SND1: variants seen among roughly 807,000 people sequenced by gnomAD.
SND1 encodes staphylococcal nuclease domain-containing protein 1.
SND1 carries 38 observed loss-of-function variants against 121.7 expected under a neutral mutation model. The ratio of observed to expected loss-of-function variants is 0.31; its 90% CI spans 0.24 to 0.41. SND1 has a LOEUF of 0.41. Ranked by LOEUF, SND1 falls within the 10% of genes least tolerant of loss-of-function variation. The pLI, the probability that SND1 is intolerant of heterozygous loss-of-function variation, is 1.00. For synonymous variants in SND1, 401 were observed against 447.4 expected, an observed-to-expected ratio of 0.90 and a Z score of 1.31; for missense variants, 868 against 1,184.6, an observed-to-expected ratio of 0.73 and a Z score of 3.92.
At position 127,707,603 on chromosome 7, in the gene SND1, C is replaced by G; in HGVS notation, c.994C>G (p.Pro332Ala). The change falls in exon 9 of 24, where the codon CCC (proline) becomes GCC (alanine). Residue 332 changes from proline to alanine, a missense_variant. By Grantham distance (27) the Pro-to-Ala change is conservative. Around this residue, in one of 2 missense-constraint regions of SND1, gnomAD observed 743 missense variants for 1,071.3 expected, o/e 0.69. Coordinates refer to ENST00000354725, the MANE Select transcript of SND1 (RefSeq NM_014390.4). ...RLRIWRDYVAPTANLDQKDKQ... is the reference protein window; with the variant it reads ...RLRIWRDYVAATANLDQKDKQ... Reference sequence around the variant, plus strand: ...GAGAATATGGAGAGACTATGTGGCTCCCACAGCTAATTTGGACCAAAAGGA... The same window carrying G: ...GAGAATATGGAGAGACTATGTGGCTGCCACAGCTAATTTGGACCAAAAGGA... 1 of 1,614,068 alleles carries G rather than the reference C, an allele frequency of 6.2e-7. No individual in the cohort carries two copies. Among genetic ancestry groups the G allele is most frequent in the African/African-American group, 1.3e-5 (1 of 75,022 alleles).
chr7:127,837,517 C>G (rs1193105360), intron 11 of SND1, among the ~76,000 whole-genome samples: 1 of 152,152 alleles, frequency 6.6e-6, no homozygotes, highest in African/African-American at 2.4e-5. Context: ...TTACACAGTA[C>G]TTGCCTAGAA....
chr7:127,732,932 A>G (rs1202322951), intron 10 of SND1, among the ~76,000 whole-genome samples: 1 of 152,178 alleles, frequency 6.6e-6, no homozygotes, highest in Non-Finnish European at 1.5e-5. Flanking sequence ...GTGTTTGTAA[A>G]TAGTGGCGGG....
Position 127,835,620 on chromosome 7 carries a change from G to T in SND1, c.1243-8704G>T, listed in dbSNP as rs77853531. On this transcript the variant is annotated intron_variant, in intron 11 of 23. Coordinates refer to ENST00000354725, the MANE Select transcript of SND1 (RefSeq NM_014390.4). ...GGTTGTATTAAAAGTAGGTATTGGT[G>T]TGAGTTATGCCTGTGATAAAATAAT... Among the ~76,000 whole-genome samples the T allele has an allele frequency of 4.2e-3, 615 of 147,798 alleles. 11 individuals are homozygous for T. Among genetic ancestry groups the T allele is most frequent in the African/African-American group, 0.016 (590 of 37,298 alleles).
chr7:127,905,434 A>G (rs1800315298), intron 14 of SND1, among the ~76,000 whole-genome samples: 1 of 152,118 alleles, frequency 6.6e-6, no homozygotes, highest in South Asian at 2.1e-4. Flanking sequence ...GGCTGCATAG[A>G]TCCGTTTGAT....
chr7:128,090,886 A>G (rs753849641), intron 22 of SND1, among the ~76,000 whole-genome samples: 15 of 152,192 alleles, frequency 9.9e-5, no homozygotes, highest in Non-Finnish European at 1.6e-4. Flanking sequence ...CAGCCTCCCT[A>G]TAGAATTGGA....
chr7:128,042,754 A>AT, intron 16 of SND1, among the ~76,000 whole-genome samples: 1 of 152,186 alleles, frequency 6.6e-6, no homozygotes, highest in East Asian at 1.9e-4. Context: ...TCTTTACCAA[A>AT]TTGAGACCAA....
chr7:127,726,902 CTCTG>C (rs1056180763), intron 10 of SND1, among the ~76,000 whole-genome samples: 1 of 152,252 alleles, frequency 6.6e-6, no homozygotes, highest in African/African-American at 2.4e-5. Context: ...CTCTCCCATT[CTCTG>C]TCTTTGTATC....
In SND1 at chr7:128,084,812, A is replaced by G. The variant is rs751152457; in HGVS notation, c.2199A>G (p.Gly733=). The part of the protein sequence containing the change: ...PVEGSYAPRR[G]EFCIAKFVDG... ...AGGGCTCCTATGCCCCCCGCAGGGG[A>G]GAGTTCTGCATTGCCAAATTTGTAG... The change falls in exon 19 of 24, where the codon GGA becomes GGG. Residue 733 remains glycine, a synonymous_variant. Transcript: ENST00000354725. The G allele has an allele frequency of 2.6e-5, 42 of 1,606,366 alleles. 1 individual carries two copies. The South Asian group carries it at 4.5e-4, about 17-fold the overall frequency.
chr7:127,707,558 T>G lies in SND1; in HGVS notation c.949T>G (p.Phe317Val), dbSNP rs1796222463. ...GAEKLRAAER[F>V]AKERRLRIWR... is the part of the protein sequence containing the mutation. ...CTTGCATCCTTGCTTTGTTGCCAGG[T>G]TTGCCAAAGAGCGCAGGCTGAGAAT... The change falls in exon 9 of 24, where the codon TTT becomes GTT. Residue 317 changes from phenylalanine to valine, a missense_variant and splice_region_variant. Transcript: ENST00000354725. The G allele has an allele frequency of 1.2e-6, 2 of 1,613,870 alleles. No individual in the cohort carries two copies. The highest frequency in any genetic ancestry group is 1.7e-5 in the Admixed American group (1 of 59,998).
At chr7:127,743,541 T>C (rs957571772) in intron 10 of SND1, among the ~76,000 whole-genome samples, 12 of 152,214 alleles carry the variant, frequency 7.9e-5, no homozygotes, top group Admixed American at 2.6e-4. Flanking sequence ...CCCTCCTCTG[T>C]CCTCATTGTC....
At position 128,078,467 on chromosome 7, in the gene SND1, C is replaced by A. The variant is rs1109574; in HGVS notation, c.1969-2893C>A. Among the ~76,000 whole-genome samples the A allele has an allele frequency of 5.7e-3, 867 of 152,364 alleles. 9 individuals are homozygous for A. The highest frequency in any genetic ancestry group is 0.02 in the African/African-American group (827 of 41,580). ...AGACACCTTGCTTCTGCTGTCTTCT[C>A]AATTCAGGTGGCAGTGTGCACCACC... On this transcript the variant is annotated intron_variant, in intron 17 of 23. Coordinates refer to ENST00000354725, the MANE Select transcript of SND1 (RefSeq NM_014390.4).
chr7:127,687,029 G>T, intron 2 of SND1: 2 of 336,588 alleles, frequency 5.9e-6, no homozygotes, highest in Non-Finnish European at 1.1e-5. Context: ...TACTTTTCTT[G>T]GAATAGTTTA....
chr7:128,001,370 C>G (rs1463388370), intron 16 of SND1, among the ~76,000 whole-genome samples: 1 of 152,224 alleles, frequency 6.6e-6, no homozygotes, highest in African/African-American at 2.4e-5. Context: ...ATTCCACTTT[C>G]ACCATTTGCT....
intron 7 of SND1, among the ~76,000 whole-genome samples, chr7:127,703,801 A>G (rs1796145195): frequency 6.6e-6 from 1 of 152,210 alleles, no homozygotes; most frequent in South Asian, 2.1e-4. Context: ...AGAATTGGAC[A>G]ATTTTCTCAC....
At chr7:127,710,720 T>C (rs981018119) in intron 9 of SND1, among the ~76,000 whole-genome samples, 2 of 152,156 alleles carry the variant, frequency 1.3e-5, no homozygotes, top group African/African-American at 4.8e-5. Context: ...GAATAAAACA[T>C]TTACATGGCT....
chr7:127,677,741 CTT>C (rs1795640684), intron 1 of SND1, among the ~76,000 whole-genome samples: 1 of 152,228 alleles, frequency 6.6e-6, no homozygotes, highest in African/African-American at 2.4e-5. Flanking sequence ...CTTTCATACT[CTT>C]TTGCATGTTA....
chr7:127,797,224 C>A (rs1050301177), intron 10 of SND1, among the ~76,000 whole-genome samples: 7 of 152,136 alleles, frequency 4.6e-5, no homozygotes, highest in African/African-American at 1.7e-4. Context: ...GAAACCGAGG[C>A]AAGCCACCAA....
At chr7:127,668,107 CA>C (rs1346182309) in intron 1 of SND1, among the ~76,000 whole-genome samples, 2 of 152,154 alleles carry the variant, frequency 1.3e-5, no homozygotes, top group Non-Finnish European at 2.9e-5. Context: ...GACTATAGAA[CA>C]GTAGTCACCT....
At chr7:127,699,592 C>T (rs1211007576) in intron 4 of SND1, among the ~76,000 whole-genome samples, 1 of 152,094 alleles carries the variant, frequency 6.6e-6, no homozygotes, top group African/African-American at 2.4e-5. Context: ...ATTTGTTTAG[C>T]CAATGGCAAT....
Sources: allele counts gnomAD v4.1 joint callset (sites outside exome capture counted in the v4.1 genomes callset), GRCh38; gene constraint gnomAD v4.1.1; regional missense constraint gnomAD v4.1.1; transcripts MANE v1.5; gene names NCBI Gene and HGNC (gene_info 2026-07-23, HGNC 2026-07-21).